Variants in RGS6 observed in about 807,000 individuals in gnomAD.
RGS6 encodes the protein regulator of G-protein signaling 6.
RGS6 carries 30 observed loss-of-function variants against 78.5 expected under a neutral mutation model. The observed-to-expected ratio is 0.38, with a 90% confidence interval of 0.29 to 0.52. The LOEUF (loss-of-function observed/expected upper bound fraction) is 0.52. Among genes scored for constraint, RGS6 ranks in the 20% least tolerant of loss-of-function variants. The pLI is 0.85. For synonymous variants in RGS6, 206 were observed against 206.0 expected (o/e 1.00, Z 0.00); for missense variants, 495 against 609.7 (o/e 0.81, Z 1.98).
At chr14:72,558,596 A>G (rs1015178376) in intron 17 of RGS6, among the ~76,000 whole-genome samples, 3 of 152,200 alleles carry the variant, frequency 2.0e-5, no homozygotes, top group Non-Finnish European at 2.9e-5. Context: ...CTTTCAGAAA[A>G]CAAAGGATTC....
intron 14 of RGS6, 40 bp downstream of exon 14, chr14:72,510,319 T>C: frequency 6.2e-7 from 1 of 1,613,060 alleles, no homozygotes; most frequent in African/African-American, 1.3e-5. Context: ...GGAATGTGTG[T>C]GAAGAAATTT....
At chr14:72,298,236 T>G (rs1338568712) in intron 2 of RGS6, among the ~76,000 whole-genome samples, 1 of 152,020 alleles carries the variant, frequency 6.6e-6, no homozygotes, top group Admixed American at 6.5e-5. Context: ...ATTTGGTTTT[T>G]CTCCTTTTAA....
the RGS6 span, among the ~76,000 whole-genome samples, chr14:71,897,769 T>C: frequency 6.6e-6 from 1 of 152,150 alleles, no homozygotes; most frequent in Non-Finnish European, 1.5e-5. Flanking sequence ...TCCACCTGCC[T>C]CAGCCTCCCA....
the RGS6 span, among the ~76,000 whole-genome samples, chr14:71,893,526 GT>G: frequency 6.6e-6 from 1 of 152,136 alleles, no homozygotes; most frequent in Non-Finnish European, 1.5e-5. Context: ...AGAAAGGAGA[GT>G]TTTATTGGTG....
chr14:72,539,560 G>A (rs1394427095), intron 16 of RGS6, among the ~76,000 whole-genome samples: 1 of 152,156 alleles, frequency 6.6e-6, no homozygotes, highest in Non-Finnish European at 1.5e-5. Flanking sequence ...TTCCCCGGCA[G>A]CCCCTTCCTG....
At chr14:71,941,939 T>C (rs965019742) in intron 1 of RGS6, among the ~76,000 whole-genome samples, 2 of 152,160 alleles carry the variant, frequency 1.3e-5, no homozygotes, top group South Asian at 2.1e-4. Context: ...AGTAAGCTCC[T>C]TACAGGCCAA....
the RGS6 span, chr14:72,612,583 G>A: frequency 9.6e-6 from 5 of 518,302 alleles, no homozygotes; most frequent in Non-Finnish European, 1.9e-5. Flanking sequence ...GGGAAGGGAG[G>A]AAACAGTGCA....
intron 2 of RGS6, among the ~76,000 whole-genome samples, chr14:72,059,192 G>A (rs930937459): frequency 2.0e-5 from 3 of 152,080 alleles, no homozygotes; most frequent in African/African-American, 7.2e-5. Context: ...GAGCCACCGC[G>A]CCTTCCTGCT....
chr14:72,512,851 A>T (rs541936876), intron 14 of RGS6, among the ~76,000 whole-genome samples: 2 of 152,310 alleles, frequency 1.3e-5, no homozygotes, highest in Middle Eastern at 3.4e-3. Flanking sequence ...CTTAGCACCA[A>T]CCGTGGCACA....
At chr14:72,271,439 C>T (rs1284243677) in intron 2 of RGS6, among the ~76,000 whole-genome samples, 1 of 152,090 alleles carries the variant, frequency 6.6e-6, no homozygotes, top group Non-Finnish European at 1.5e-5. Context: ...CTGAGTCCCT[C>T]CACGACACAT....
At chr14:71,878,389 C>T in the RGS6 span, among the ~76,000 whole-genome samples, 2 of 152,224 alleles carry the variant, frequency 1.3e-5, no homozygotes, top group Non-Finnish European at 2.9e-5. Context: ...GGCAGGCACC[C>T]CTCCCCTAGC....
At chr14:72,076,374 A>G (rs1046933167) in intron 2 of RGS6, among the ~76,000 whole-genome samples, 2 of 152,154 alleles carry the variant, frequency 1.3e-5, no homozygotes, top group Non-Finnish European at 2.9e-5. Flanking sequence ...ATTGCATTAC[A>G]TGGATGTCCC....
intron 4 of RGS6, among the ~76,000 whole-genome samples, chr14:72,455,502 C>A (rs1453993887): frequency 6.6e-6 from 1 of 152,198 alleles, no homozygotes; most frequent in Non-Finnish European, 1.5e-5. Context: ...CATTTCTAAT[C>A]TGTTGACTGC....
At chr14:72,398,120 G>C (rs2091762795) in intron 3 of RGS6, among the ~76,000 whole-genome samples, 1 of 152,294 alleles carries the variant, frequency 6.6e-6, no homozygotes, top group Admixed American at 6.5e-5. Flanking sequence ...AGTTTCAGAA[G>C]GAATGGTACC....
At chr14:72,174,624 C>A (rs181058553) in intron 2 of RGS6, among the ~76,000 whole-genome samples, 118 of 152,238 alleles carry the variant, frequency 7.8e-4, no homozygotes, top group Middle Eastern at 3.4e-3. Context: ...TGGAGTGGAC[C>A]CAGTCAGAGT....
chr14:72,009,900 A>G (rs917576457), intron 2 of RGS6, among the ~76,000 whole-genome samples: 9 of 152,222 alleles, frequency 5.9e-5, no homozygotes, highest in African/African-American at 1.4e-4. Context: ...TTCATAGTCC[A>G]TTTGGTTCCT....
At chr14:72,350,332 G>A (rs1165122665) in intron 2 of RGS6, among the ~76,000 whole-genome samples, 1 of 152,162 alleles carries the variant, frequency 6.6e-6, no homozygotes, top group East Asian at 1.9e-4. Context: ...TCTATGGCTG[G>A]ATTCAAACTT....
chr14:72,142,709 G>A (rs2096556838), intron 2 of RGS6, among the ~76,000 whole-genome samples: 1 of 152,156 alleles, frequency 6.6e-6, no homozygotes, highest in Non-Finnish European at 1.5e-5. Flanking sequence ...TCCATGTTTT[G>A]TTCCCTCAAG....
At chr14:72,244,849 G>C (rs908427038) in intron 2 of RGS6, among the ~76,000 whole-genome samples, 35 of 148,902 alleles carry the variant, frequency 2.4e-4, no homozygotes, top group African/African-American at 8.7e-4. Flanking sequence ...TTTGAGACAA[G>C]AGTCTCACTC....
Sources: gnomAD v4.1 joint callset for allele counts (sites outside exome capture counted in the v4.1 genomes callset) on GRCh38, gnomAD v4.1.1 for gene constraint, MANE v1.5 for transcripts, NCBI Gene and HGNC (gene_info 2026-07-23, HGNC 2026-07-21) for gene names.